The following LRP2 variants were observed in gnomAD, a reference collection of about 807,000 sequenced individuals.
LRP2 encodes the protein low-density lipoprotein receptor-related protein 2.
A neutral mutation model predicts 531.0 loss-of-function variants in LRP2; 172 were observed. The ratio of observed to expected loss-of-function variants is 0.32; its 90% CI spans 0.29 to 0.37. The LOEUF (loss-of-function observed/expected upper bound fraction) is 0.37, where lower values mean the gene tolerates loss of function less well. LRP2 is among the 10% of genes least tolerant of loss of function. The pLI is 1.00. For synonymous variants in LRP2, 1,992 were observed against 2,027.6 expected, an observed-to-expected ratio of 0.98 and a Z score of 0.47; for missense variants, 5,167 against 5,868.3, an observed-to-expected ratio of 0.88 and a Z score of 3.90.
At chr2:169,268,149 C>A (rs147431936) in intron 16 of LRP2, among the ~76,000 whole-genome samples, 8 of 152,036 alleles carry the variant, frequency 5.3e-5, no homozygotes, top group Non-Finnish European at 7.4e-5. Flanking sequence ...CAGGACCAGA[C>A]GGATTCACAG....
chr2:169,309,564 T>G (rs1684532958), intron 3 of LRP2, among the ~76,000 whole-genome samples: 1 of 152,212 alleles, frequency 6.6e-6, no homozygotes, highest in Non-Finnish European at 1.5e-5. Context: ...GAGGGCTCTA[T>G]TCTGTTCCAT....
intron 35 of LRP2, among the ~76,000 whole-genome samples, chr2:169,214,748 C>G (rs762347482): frequency 2.6e-5 from 4 of 152,164 alleles, no homozygotes; most frequent in Non-Finnish European, 5.9e-5. Flanking sequence ...GGCAAGGCTC[C>G]AAGCTGAGCC....
chr2:169,334,743 G>A (rs1252297202), intron 1 of LRP2, among the ~76,000 whole-genome samples: 1 of 152,100 alleles, frequency 6.6e-6, no homozygotes, highest in Non-Finnish European at 1.5e-5. Flanking sequence ...TACTGAACTG[G>A]TTTAGCTTGA....
At chr2:169,161,601 G>A (rs1230225930) in intron 63 of LRP2, among the ~76,000 whole-genome samples, 1 of 152,066 alleles carries the variant, frequency 6.6e-6, no homozygotes, top group South Asian at 2.1e-4. Context: ...ATCCTCTTGA[G>A]TATCTGGGAC....
Position 169,327,755 on chromosome 2 carries a change from TG to T in LRP2, c.80-6872del, listed in dbSNP as rs1187242894. Among the ~76,000 whole-genome samples, 5 of 92,916 alleles carry T rather than the reference TG, an allele frequency of 5.4e-5. No individual in the cohort carries two copies. The East Asian group carries it at 1.1e-3, about 21-fold the overall frequency. The allele number at this position is 92,916 out of a possible 152,430, so 61.0% of individuals were successfully genotyped here. A position where few individuals can be genotyped will look rare whatever the true frequency, so the allele number is the denominator to read the frequency against. On this transcript the variant is annotated intron_variant, in intron 1 of 78. Transcript: ENST00000649046. ...CCAGCCGCCCCGTCCGGGAGGGAGG[TG>T]GGGGGGTCAGCCCCCCGCCCGGCCA...
chr2:169,359,743 C>T (rs944129355), intron 1 of LRP2, among the ~76,000 whole-genome samples: 2 of 152,164 alleles, frequency 1.3e-5, no homozygotes, highest in African/African-American at 4.8e-5. Context: ...GCAGGTGGTA[C>T]GAGTTGCATA....
chr2:169,166,338 T>C (rs1574088479), intron 61 of LRP2, among the ~76,000 whole-genome samples: 1 of 152,194 alleles, frequency 6.6e-6, no homozygotes, highest in East Asian at 1.9e-4. Flanking sequence ...ATTACAACTA[T>C]GAAACATCTA....
At position 169,244,704 on chromosome 2, in the gene LRP2, T is replaced by A. The variant is rs1689938381; in HGVS notation, c.3419A>T (p.Glu1140Val). 1 of 1,614,130 alleles carries A rather than the reference T, an allele frequency of 6.2e-7. No homozygotes were observed. The highest frequency in any genetic ancestry group is 1.7e-5 in the Admixed American group (1 of 60,010). The change falls in exon 22 of 79, where the codon GAA becomes GTA. Residue 1140 changes from glutamate to valine, a missense_variant. Transcript: ENST00000649046. ...AGCTCAAAACTTACTGCAGTTCTTT[T>A]CATCAGATCCATCCCCACAATCATT... ...TDNDCGDGSD[E>V]KNCNSTETCQ... is the part of the protein sequence containing the mutation.
intron 4 of LRP2, among the ~76,000 whole-genome samples, chr2:169,301,591 T>TGAAGCAGATAAAAAGACCAAAC (rs1354069394): frequency 9.2e-5 from 14 of 152,250 alleles, no homozygotes; most frequent in African/African-American, 3.4e-4. Flanking sequence ...CATATAAAGA[T>TGAAGCAGATAAAAAGACCAAAC]GAAGCAGATA....
At chr2:169,324,104 A>G (rs900160578) in intron 1 of LRP2, among the ~76,000 whole-genome samples, 1 of 152,220 alleles carries the variant, frequency 6.6e-6, no homozygotes, top group Admixed American at 6.5e-5. Flanking sequence ...CTCTGCCAAC[A>G]TTAGCTCATT....
intron 71 of LRP2, among the ~76,000 whole-genome samples, chr2:169,141,678 C>T (rs1246193497): frequency 1.3e-5 from 2 of 152,246 alleles, no homozygotes; most frequent in Non-Finnish European, 2.9e-5. Context: ...CAGGACCACA[C>T]TGCTCCCACG....
intron 76 of LRP2, among the ~76,000 whole-genome samples, chr2:169,134,194 C>A (rs566758645): frequency 1.5e-5 from 2 of 130,932 alleles, no homozygotes; most frequent in Non-Finnish European, 3.6e-5. Context: ...CTGCGTGCAG[C>A]GGCTGCCACT....
At chr2:169,246,063 C>T (rs535724994) in intron 21 of LRP2, among the ~76,000 whole-genome samples, 15 of 152,182 alleles carry the variant, frequency 9.9e-5, no homozygotes, top group African/African-American at 3.1e-4. Context: ...GGTGTGGTGG[C>T]ATGTGCCTGT....
At chr2:169,319,722 C>T (rs993154099) in intron 2 of LRP2, among the ~76,000 whole-genome samples, 2 of 152,282 alleles carry the variant, frequency 1.3e-5, no homozygotes, top group Middle Eastern at 3.4e-3. Flanking sequence ...CACAAACTAG[C>T]AGCATCAACA....
At chr2:169,348,933 G>A (rs1338039056) in intron 1 of LRP2, among the ~76,000 whole-genome samples, 2 of 152,114 alleles carry the variant, frequency 1.3e-5, no homozygotes, top group Non-Finnish European at 2.9e-5. Flanking sequence ...GCCTCCAGGG[G>A]CCTCGAGGAA....
chr2:169,156,207 C>G (rs1343864329), intron 65 of LRP2, 67 bp downstream of exon 65: 2 of 1,596,782 alleles, frequency 1.3e-6, no homozygotes, highest in East Asian at 4.5e-5. Flanking sequence ...TTTCTTTCAT[C>G]GTATAGTGTA....
intron 63 of LRP2, among the ~76,000 whole-genome samples, chr2:169,160,574 A>G (rs1405204485): frequency 6.6e-6 from 1 of 152,068 alleles, no homozygotes; most frequent in East Asian, 1.9e-4. Context: ...TCTATGCCTC[A>G]AATTATTAGT....
rs538331057 is a variant in LRP2 at position 169,200,053 on chromosome 2, A to G, written c.8453-1142T>C. On this transcript the variant is annotated intron_variant, in intron 44 of 78. Transcript: ENST00000649046. ...ATCATGAGGTCAGGAGATCGAGACC[A>G]TCCTGGCTAACATGGTGAAACCTCG... Among the ~76,000 whole-genome samples, 5 of 152,284 alleles carry G rather than the reference A, an allele frequency of 3.3e-5. No homozygotes were observed. The East Asian group carries it at 7.7e-4, about 24-fold the overall frequency.
At chr2:169,290,005 G>T (rs761765853) in intron 8 of LRP2, among the ~76,000 whole-genome samples, 13 of 152,098 alleles carry the variant, frequency 8.5e-5, no homozygotes, top group Non-Finnish European at 1.9e-4. Context: ...CACAAATTTA[G>T]TTAGAGTATA....
Sources: allele counts gnomAD v4.1 joint callset (sites outside exome capture counted in the v4.1 genomes callset), GRCh38; gene constraint gnomAD v4.1.1; transcripts MANE v1.5; gene names NCBI Gene and HGNC (gene_info 2026-07-23, HGNC 2026-07-21).